SPPL3: variants seen among roughly 807,000 people sequenced by gnomAD.
SPPL3 encodes the protein signal peptide peptidase like 3.
SPPL3 carries 5 observed loss-of-function variants against 42.4 expected under a neutral mutation model. The ratio of observed to expected loss-of-function variants is 0.12; its 90% CI spans 0.06 to 0.25. SPPL3 has a LOEUF of 0.25. Among genes scored for constraint, SPPL3 ranks in the 10% least tolerant of loss-of-function variants. The pLI is 1.00. For synonymous variants in SPPL3, 195 were observed against 181.8 expected (o/e 1.07, Z -0.58); for missense variants, 235 against 489.0 (o/e 0.48, Z 4.90).
At chr12:120,793,143 G>C (rs1354147702) in intron 2 of SPPL3, among the ~76,000 whole-genome samples, 3 of 152,154 alleles carry the variant, frequency 2.0e-5, no homozygotes, top group Non-Finnish European at 4.4e-5. Context: ...CTTCAAAGAA[G>C]ATACACAAAT....
chr12:120,857,755 G>A (rs1423377618), intron 1 of SPPL3, among the ~76,000 whole-genome samples: 1 of 152,136 alleles, frequency 6.6e-6, no homozygotes, highest in Non-Finnish European at 1.5e-5. Context: ...CTCATAAGCG[G>A]GAACTGAACA....
chr12:120,850,471 C>T (rs1306648264), intron 1 of SPPL3, among the ~76,000 whole-genome samples: 2 of 113,204 alleles, frequency 1.8e-5, no homozygotes, highest in African/African-American at 6.6e-5. Flanking sequence ...CCAGCCTGGA[C>T]AACATAGTGA....
intron 1 of SPPL3, among the ~76,000 whole-genome samples, chr12:120,861,653 G>A (rs983223360): frequency 1.3e-5 from 2 of 152,192 alleles, no homozygotes; most frequent in African/African-American, 4.8e-5. Flanking sequence ...TCTGGCAGGG[G>A]AGTACGCTGA....
In SPPL3 at chr12:120,878,501, G is replaced by A. The variant is rs562125871; in HGVS notation, c.23+25344C>T. ...AATGACTTTCTCTTACAAGCTAAAC[G>A]CTAATGGGCTGCTGATTCATTCATT... is the stretch of plus-strand genomic sequence containing the variant. On this transcript the variant is annotated intron_variant, in intron 1 of 10. Coordinates refer to ENST00000353487, the MANE Select transcript of SPPL3 (RefSeq NM_139015.5). Among the ~76,000 whole-genome samples the A allele has an allele frequency of 1.0e-3, 158 of 152,220 alleles. 1 individual carries two copies. Among genetic ancestry groups the A allele is most frequent in the Non-Finnish European group, 1.8e-3 (123 of 68,010 alleles).
chr12:120,778,633 T>C (rs1287923190), intron 6 of SPPL3, among the ~76,000 whole-genome samples: 1 of 152,182 alleles, frequency 6.6e-6, no homozygotes, highest in African/African-American at 2.4e-5. Context: ...AACAAATGTA[T>C]TTTAAAATTG....
intron 4 of SPPL3, chr12:120,784,211 T>A: frequency 6.4e-6 from 2 of 311,324 alleles, no homozygotes; most frequent in South Asian, 8.9e-5. Flanking sequence ...GCAATACTGC[T>A]CTGGTGTCAT....
chr12:120,883,030 C>T (rs550879035), intron 1 of SPPL3, among the ~76,000 whole-genome samples: 8 of 152,130 alleles, frequency 5.3e-5, no homozygotes, highest in African/African-American at 1.2e-4. Context: ...AGAGGCCGGG[C>T]GTGGTGGCTC....
chr12:120,880,145 C>T (rs1399437845), intron 1 of SPPL3, among the ~76,000 whole-genome samples: 2 of 151,692 alleles, frequency 1.3e-5, no homozygotes, highest in African/African-American at 4.9e-5. Flanking sequence ...AACACTGGGG[C>T]TGAGACACAT....
rs1801011 is a variant in SPPL3 at position 120,764,708 on chromosome 12, G to A, written c.*291C>T. ...GTCAAATCTCCATCTCCCCCAGAAG[G>A]TAACAGTCTGGTGCAGATCCATAAA... On this transcript the variant is annotated 3_prime_UTR_variant, in exon 11 of 11. Coordinates refer to ENST00000353487, the MANE Select transcript of SPPL3 (RefSeq NM_139015.5). The A allele has an allele frequency of 2.5e-6, 1 of 401,634 alleles. No individual in the cohort carries two copies. Among genetic ancestry groups the A allele is most frequent in the Non-Finnish European group, 4.4e-6 (1 of 228,060 alleles). The allele number at this position is 401,634 out of a possible 1,614,324, so 24.9% of individuals were successfully genotyped here. A position where few individuals can be genotyped will look rare whatever the true frequency, so the allele number is the denominator to read the frequency against.
chr12:120,876,375 A>T (rs1476770096), intron 1 of SPPL3, among the ~76,000 whole-genome samples: 1 of 151,958 alleles, frequency 6.6e-6, no homozygotes, highest in Non-Finnish European at 1.5e-5. Context: ...GCACTTTGGG[A>T]GGCTGAGGCG....
At chr12:120,800,440 T>C (rs1358326774) in intron 2 of SPPL3, among the ~76,000 whole-genome samples, 2 of 151,614 alleles carry the variant, frequency 1.3e-5, no homozygotes, top group Non-Finnish European at 2.9e-5. Flanking sequence ...GAGGTGGAGG[T>C]TGCAGTGAAC....
intron 3 of SPPL3, 123 bp from the exon 4 acceptor site, chr12:120,784,716 T>C (rs1366766075): frequency 3.1e-6 from 2 of 647,882 alleles, no homozygotes; most frequent in African/African-American, 3.8e-5. Flanking sequence ...GGACATGGAT[T>C]ATCCAGGCCC....
At chr12:120,808,445 C>T (rs573429382) in intron 2 of SPPL3, among the ~76,000 whole-genome samples, 123 of 152,298 alleles carry the variant, frequency 8.1e-4, no homozygotes, top group Non-Finnish European at 1.3e-3. Context: ...CTATGATACA[C>T]TTATTACATA....
intron 1 of SPPL3, among the ~76,000 whole-genome samples, chr12:120,886,177 CCTT>C (rs1873455847): frequency 6.6e-6 from 1 of 151,882 alleles, no homozygotes; most frequent in African/African-American, 2.4e-5. Flanking sequence ...CAAATTCAGT[CCTT>C]CTAGTAATCA....
chr12:120,853,954 A>C (rs619679), intron 1 of SPPL3, among the ~76,000 whole-genome samples: 42,878 of 148,170 alleles, frequency 0.29, 7,502 homozygotes, highest in Non-Finnish European at 0.4. Context: ...ATGAAAACAA[A>C]CACCACCACC....
chr12:120,839,337 A>G (rs1215111805), intron 1 of SPPL3, among the ~76,000 whole-genome samples: 1 of 122,718 alleles, frequency 8.1e-6, no homozygotes, highest in Non-Finnish European at 1.6e-5. Flanking sequence ...GAAGGGGAAC[A>G]TCACACTCTG....
rs867213620 is a variant in SPPL3 at position 120,853,188 on chromosome 12, C to T, written c.24-42302G>A. On this transcript the variant is annotated intron_variant, in intron 1 of 10. Transcript: ENST00000353487. ...CTGGGATTACAGGCATGAGCCACTA[C>T]GCCCGGCCTAAAGATATATTCTTTA... 5.3e-5 allele frequency among the ~76,000 whole-genome samples: 8 copies of T among 152,260 alleles called. No homozygotes were observed. In the East Asian group the frequency reaches 5.8e-4, roughly 11 times the overall value.
chr12:120,794,059 T>C (rs1170466694), intron 2 of SPPL3, among the ~76,000 whole-genome samples: 3 of 152,242 alleles, frequency 2.0e-5, no homozygotes, highest in African/African-American at 4.8e-5. Context: ...TTTTGCTTCA[T>C]GTATTTTGAA....
intron 1 of SPPL3, among the ~76,000 whole-genome samples, chr12:120,874,002 T>C (rs1873003156): frequency 6.6e-6 from 1 of 152,018 alleles, no homozygotes; most frequent in Non-Finnish European, 1.5e-5. Flanking sequence ...ATACATAGTT[T>C]TCAAATATGG....
Sources: gnomAD v4.1 joint callset for allele counts (sites outside exome capture counted in the v4.1 genomes callset) on GRCh38, gnomAD v4.1.1 for gene constraint, MANE v1.5 for transcripts, NCBI Gene and HGNC (gene_info 2026-07-23, HGNC 2026-07-21) for gene names.